The following PDE4D variants were observed in gnomAD, a reference collection of about 807,000 sequenced individuals.
PDE4D encodes the protein 3',5'-cyclic-AMP phosphodiesterase 4D.
A neutral mutation model predicts 87.4 loss-of-function variants in PDE4D; 24 were observed. That is an observed-to-expected ratio of 0.27 (90% confidence interval 0.20 to 0.39). PDE4D has a LOEUF of 0.39. PDE4D is among the 10% of genes least tolerant of loss of function. The probability of loss-of-function intolerance (pLI) is 1.00; values close to 1 mark genes in which losing one functional copy is unlikely to be tolerated. For synonymous variants in PDE4D, 384 were observed against 383.2 expected, an observed-to-expected ratio of 1.00 and a Z score of -0.02; for missense variants, 714 against 1,041.0, an observed-to-expected ratio of 0.69 and a Z score of 4.32.
intron 1 of PDE4D, among the ~76,000 whole-genome samples, chr5:59,442,878 T>C (rs60615327): frequency 0.1 from 15,221 of 152,256 alleles, 2,381 homozygotes; most frequent in African/African-American, 0.33. Context: ...AATTAGTTGT[T>C]GGTAGAAGTC....
intron 1 of PDE4D, among the ~76,000 whole-genome samples, chr5:59,771,493 GAGAGAGAAGAAAGAAAGAAAGA>G (rs1763513841): frequency 2.8e-5 from 1 of 36,246 alleles, no homozygotes; most frequent in African/African-American, 8.3e-5. Flanking sequence ...AAGAGAGAGA[GAGAGAGAAGAAAGAAAGAAAGA>G]AAGAAAGAAA....
At chr5:60,061,249 C>T (rs985597661) in intron 2 of PDE4D, among the ~76,000 whole-genome samples, 1 of 152,134 alleles carries the variant, frequency 6.6e-6, no homozygotes, top group African/African-American at 2.4e-5. Context: ...GATACAAAAT[C>T]AGTGTGTGAA....
intron 1 of PDE4D, among the ~76,000 whole-genome samples, chr5:59,689,522 C>A (rs911408130): frequency 2.6e-5 from 4 of 152,036 alleles, no homozygotes; most frequent in Admixed American, 6.6e-5. Flanking sequence ...ATTCAACAAC[C>A]CTTCATGCTA....
At chr5:59,662,924 T>C (rs1464828145) in intron 1 of PDE4D, among the ~76,000 whole-genome samples, 1 of 152,206 alleles carries the variant, frequency 6.6e-6, no homozygotes. Flanking sequence ...GAAGGAGATG[T>C]ATACACAAAC....
intron 2 of PDE4D, among the ~76,000 whole-genome samples, chr5:60,076,054 T>C (rs1201663245): frequency 6.6e-6 from 1 of 152,202 alleles, no homozygotes; most frequent in Admixed American, 6.5e-5. Flanking sequence ...ACTGGAGAAC[T>C]AGTATGATCA....
intron 1 of PDE4D, among the ~76,000 whole-genome samples, chr5:59,493,376 G>T (rs1806584026): frequency 6.6e-6 from 1 of 152,094 alleles, no homozygotes; most frequent in South Asian, 2.1e-4. Context: ...AAGGCAAAAT[G>T]GTTAAGAATG....
intron 1 of PDE4D, among the ~76,000 whole-genome samples, chr5:59,325,310 A>G (rs1775449436): frequency 6.6e-6 from 1 of 152,172 alleles, no homozygotes; most frequent in African/African-American, 2.4e-5. Context: ...CTGAACCCAC[A>G]ATTATATTAA....
chr5:60,208,707 A>T (rs1033878104), intron 1 of PDE4D, among the ~76,000 whole-genome samples: 2 of 152,226 alleles, frequency 1.3e-5, no homozygotes, highest in Non-Finnish European at 2.9e-5. Context: ...AACAATGATC[A>T]GTATAACAAA....
intron 2 of PDE4D, among the ~76,000 whole-genome samples, chr5:60,140,298 T>C (rs897303566): frequency 6.6e-6 from 1 of 152,116 alleles, no homozygotes; most frequent in Non-Finnish European, 1.5e-5. Flanking sequence ...AAAAATTTTC[T>C]AGTAATTTCT....
chr5:59,735,616 T>C (rs188030808), intron 1 of PDE4D, among the ~76,000 whole-genome samples: 1 of 152,190 alleles, frequency 6.6e-6, no homozygotes, highest in African/African-American at 2.4e-5. Flanking sequence ...ATAGATTTAG[T>C]TTTTCTAAAT....
chr5:59,475,445 G>A (rs948961285), intron 1 of PDE4D, among the ~76,000 whole-genome samples: 2 of 152,002 alleles, frequency 1.3e-5, no homozygotes, highest in African/African-American at 4.8e-5. Flanking sequence ...CAAATCTGTA[G>A]TCTTACTTTC....
rs182637145 is a variant in PDE4D, at chr5:60,130,730, A to T, written c.42+54827T>A. 2.0e-4 allele frequency among the ~76,000 whole-genome samples: 30 copies of T among 152,302 alleles called. 1 individual carries two copies. The East Asian group carries it at 5.0e-3, about 26-fold the overall frequency. On this transcript the variant is annotated intron_variant, in intron 2 of 16. Transcript: ENST00000502484. ...CATGGGGAAAGAGTATTAGTAAAAG[A>T]TGACACAGTGGTTTGGCTAAATAGA...
At chr5:60,377,415 G>A (rs1035245258) in intron 1 of PDE4D, among the ~76,000 whole-genome samples, 1 of 152,164 alleles carries the variant, frequency 6.6e-6, no homozygotes, top group Non-Finnish European at 1.5e-5. Flanking sequence ...TTGAAGGATT[G>A]TTCTACTTTA....
chr5:60,341,419 C>G (rs1402829874), intron 1 of PDE4D, among the ~76,000 whole-genome samples: 1 of 152,166 alleles, frequency 6.6e-6, no homozygotes, highest in African/African-American at 2.4e-5. Flanking sequence ...TCTGAAGCAC[C>G]TTTGTGTAGA....
At chr5:59,289,845 C>G (rs1231835926) in intron 1 of PDE4D, among the ~76,000 whole-genome samples, 1 of 151,806 alleles carries the variant, frequency 6.6e-6, no homozygotes, top group East Asian at 1.9e-4. Context: ...GGATACAAAA[C>G]AAACATACAA....
At chr5:60,363,940 G>A (rs1760301349) in intron 1 of PDE4D, among the ~76,000 whole-genome samples, 1 of 152,132 alleles carries the variant, frequency 6.6e-6, no homozygotes, top group Non-Finnish European at 1.5e-5. Context: ...TACCTTATGT[G>A]GAATAAAATC....
intron 2 of PDE4D, among the ~76,000 whole-genome samples, chr5:60,087,331 A>G (rs1312271198): frequency 6.6e-6 from 1 of 152,224 alleles, no homozygotes; most frequent in Admixed American, 6.5e-5. Flanking sequence ...ACAAGCATCA[A>G]CATAAAGACA....
At chr5:59,626,065 G>A (rs184187842) in intron 1 of PDE4D, among the ~76,000 whole-genome samples, 46 of 152,308 alleles carry the variant, frequency 3.0e-4, no homozygotes, top group Non-Finnish European at 6.0e-4. Flanking sequence ...TCCAGCCTGG[G>A]TGAAAGAGTG....
At chr5:59,071,540 A>G (rs1764788004) in intron 5 of PDE4D, among the ~76,000 whole-genome samples, 1 of 104,456 alleles carries the variant, frequency 9.6e-6, no homozygotes, top group African/African-American at 5.6e-5. Context: ...CTATTCTCTG[A>G]GTTGTTTTTT....
Sources: allele counts gnomAD v4.1 joint callset (sites outside exome capture counted in the v4.1 genomes callset), GRCh38; gene constraint gnomAD v4.1.1; transcripts MANE v1.5; gene names NCBI Gene and HGNC (gene_info 2026-07-23, HGNC 2026-07-21).